The following ARHGAP32 variants were observed in gnomAD, a reference collection of about 807,000 sequenced individuals.
ARHGAP32 encodes Rho GTPase activating protein 32.
ARHGAP32 carries 51 observed loss-of-function variants against 186.5 expected under a neutral mutation model. The ratio of observed to expected loss-of-function variants is 0.27; its 90% CI spans 0.22 to 0.35. ARHGAP32 has a LOEUF of 0.35. Ranked by LOEUF, ARHGAP32 falls within the 10% of genes least tolerant of loss-of-function variation. ARHGAP32 has a pLI of 1.00. For synonymous variants in ARHGAP32, 950 were observed against 964.3 expected, an observed-to-expected ratio of 0.99 and a Z score of 0.27; for missense variants, 2,186 against 2,623.5, an observed-to-expected ratio of 0.83 and a Z score of 3.64.
intron 1 of ARHGAP32, among the ~76,000 whole-genome samples, chr11:129,278,995 G>T (rs940066174): frequency 1.5e-4 from 22 of 146,304 alleles, no homozygotes; most frequent in African/African-American, 5.4e-4. Flanking sequence ...GGGGCGGGGG[G>T]ACAACCGAGA....
intron 1 of ARHGAP32, among the ~76,000 whole-genome samples, chr11:129,268,527 C>T (rs993472864): frequency 2.0e-5 from 3 of 151,836 alleles, no homozygotes; most frequent in Non-Finnish European, 4.4e-5. Context: ...GCCTATATAG[C>T]GGCAATATGA....
chr11:129,073,762 CA>C (rs1940945224), intron 6 of ARHGAP32, among the ~76,000 whole-genome samples: 2 of 141,260 alleles, frequency 1.4e-5, no homozygotes, highest in Non-Finnish European at 3.1e-5. Flanking sequence ...AAAAAAAAAA[CA>C]AACAAAAAAC....
chr11:129,244,759 A>G (rs1220302149), intron 1 of ARHGAP32, among the ~76,000 whole-genome samples: 1 of 151,978 alleles, frequency 6.6e-6, no homozygotes, highest in African/African-American at 2.4e-5. Flanking sequence ...AAGAAAAAAA[A>G]CAAACAACCC....
intron 11 of ARHGAP32, among the ~76,000 whole-genome samples, chr11:129,020,482 G>C (rs1938545993): frequency 6.6e-6 from 1 of 151,960 alleles, no homozygotes; most frequent in South Asian, 2.1e-4. Flanking sequence ...TTCTTTATTT[G>C]CTTGCAAGTC....
chr11:129,076,581 G>C (rs1377331928), intron 6 of ARHGAP32, among the ~76,000 whole-genome samples: 1 of 152,062 alleles, frequency 6.6e-6, no homozygotes, highest in Non-Finnish European at 1.5e-5. Flanking sequence ...AATAAAACAT[G>C]GGTAAAAGAA....
intron 11 of ARHGAP32, among the ~76,000 whole-genome samples, chr11:129,028,043 AT>A (rs1317049761): frequency 6.6e-6 from 1 of 152,236 alleles, no homozygotes; most frequent in Admixed American, 6.5e-5. Context: ...TTTAGGAAAC[AT>A]TTTTGGTAAC....
intron 1 of ARHGAP32, among the ~76,000 whole-genome samples, chr11:129,275,224 T>C (rs1945516835): frequency 6.6e-6 from 1 of 152,240 alleles, no homozygotes; most frequent in Admixed American, 6.5e-5. Flanking sequence ...TAAAATATTT[T>C]AGGCATACTT....
chr11:129,268,424 G>A (rs1374158666), intron 1 of ARHGAP32, among the ~76,000 whole-genome samples: 1 of 152,030 alleles, frequency 6.6e-6, no homozygotes, highest in Non-Finnish European at 1.5e-5. Flanking sequence ...TTTTCAGACA[G>A]TAAAAATAAA....
At position 128,971,072 on chromosome 11, in the gene ARHGAP32, C is replaced by G. The variant is rs1359715085; in HGVS notation, c.4141G>C (p.Ala1381Pro). ...GCCATGGGACACTGAGCAGCAGCAG[C>G]ACCACTGTCACTGATGAAGGCAGAC... ...PASAFISDSG[A>P]AAAQCPMATA... The change falls in exon 23 of 23, where the codon GCT (alanine) becomes CCT (proline). Residue 1381 changes from alanine to proline, a missense_variant. Physicochemically the swap from Ala to Pro is conservative, Grantham distance 27. This residue lies in a region of ARHGAP32 where 1,502 missense variants were observed against 1,570.0 expected (regional missense o/e 0.96). Transcript: ENST00000682385. 6.2e-7 allele frequency: 1 copy of G among 1,614,200 alleles called. No individual in the cohort carries two copies. Among genetic ancestry groups the G allele is most frequent in the Non-Finnish European group, 8.5e-7 (1 of 1,180,038 alleles).
intron 12 of ARHGAP32, among the ~76,000 whole-genome samples, chr11:128,995,997 G>A (rs1221366095): frequency 3.9e-5 from 6 of 152,214 alleles, no homozygotes; most frequent in Non-Finnish European, 7.4e-5. Flanking sequence ...GTCTTGCTAT[G>A]AAATGTCAAA....
At chr11:129,050,511 G>C (rs750360406) in intron 10 of ARHGAP32, among the ~76,000 whole-genome samples, 4 of 152,046 alleles carry the variant, frequency 2.6e-5, no homozygotes, top group Admixed American at 1.3e-4. Context: ...TGCCCAGTGA[G>C]AGTTCTTTGT....
At chr11:129,267,681 G>A (rs1380931874) in intron 1 of ARHGAP32, among the ~76,000 whole-genome samples, 1 of 152,210 alleles carries the variant, frequency 6.6e-6, no homozygotes, top group Non-Finnish European at 1.5e-5. Flanking sequence ...ATAGACATAT[G>A]AACCTCGTCT....
chr11:129,087,053 T>C (rs1299168614), intron 6 of ARHGAP32, among the ~76,000 whole-genome samples: 4 of 152,128 alleles, frequency 2.6e-5, no homozygotes, highest in African/African-American at 9.7e-5. Context: ...TGCTACTACA[T>C]AACATATTAG....
intron 2 of ARHGAP32, among the ~76,000 whole-genome samples, chr11:129,137,313 G>C (rs1235213417): frequency 6.6e-6 from 1 of 151,802 alleles, no homozygotes; most frequent in Non-Finnish European, 1.5e-5. Context: ...AGATTTTTCT[G>C]AATGTCTCAG....
chr11:129,070,842 G>A lies in ARHGAP32; in HGVS notation c.532-3974C>T, dbSNP rs188943256. Among the ~76,000 whole-genome samples, 221 of 152,032 alleles carry A rather than the reference G, an allele frequency of 1.5e-3. 1 individual carries two copies. Among genetic ancestry groups the A allele is most frequent in the African/African-American group, 4.9e-3 (204 of 41,526 alleles). On this transcript the variant is annotated intron_variant, in intron 6 of 22. Transcript: ENST00000682385. ...ATGACTTAAAAATTTTCCAGTAGGTGAAAAACTGTATCTTCTTTCATTTGC... is the reference window on the plus strand; with the variant it reads ...ATGACTTAAAAATTTTCCAGTAGGTAAAAAACTGTATCTTCTTTCATTTGC...
chr11:129,155,431 AC>A (rs1427251134), intron 2 of ARHGAP32, among the ~76,000 whole-genome samples: 1 of 152,246 alleles, frequency 6.6e-6, no homozygotes, highest in African/African-American at 2.4e-5. Context: ...CAATGACACC[AC>A]AGCTGTGCTA....
At chr11:129,279,218 G>C (rs1418336948) in exon 1 of ARHGAP32, 1 of 123,094 alleles carries the variant, frequency 8.1e-6, no homozygotes, top group Non-Finnish European at 1.7e-5. Context: ...TGCCCTCCGC[G>C]GGCCGGGCCC....
At chr11:129,011,983 G>T (rs546984570) in intron 11 of ARHGAP32, among the ~76,000 whole-genome samples, 172 of 152,248 alleles carry the variant, frequency 1.1e-3, no homozygotes, top group Non-Finnish European at 9.3e-4. Flanking sequence ...ATAAAAATGG[G>T]TTAAAAACAA....
intron 1 of ARHGAP32, among the ~76,000 whole-genome samples, chr11:129,243,104 C>A (rs1195180956): frequency 6.6e-6 from 1 of 152,160 alleles, no homozygotes; most frequent in East Asian, 1.9e-4. Flanking sequence ...ATGAATGTTT[C>A]ACTGGCAATT....
Sources: allele counts gnomAD v4.1 joint callset (sites outside exome capture counted in the v4.1 genomes callset), GRCh38; gene constraint gnomAD v4.1.1; regional missense constraint gnomAD v4.1.1; transcripts MANE v1.5; gene names NCBI Gene and HGNC (gene_info 2026-07-23, HGNC 2026-07-21).